LINGO2: variants seen among roughly 807,000 people sequenced by gnomAD.
LINGO2 encodes leucine rich repeat and Ig domain containing 2.
LINGO2 carries 14 observed loss-of-function variants against 30.6 expected under a neutral mutation model. That is an observed-to-expected ratio of 0.46 (90% CI 0.30 to 0.72). LINGO2 has a LOEUF of 0.72. LINGO2 is among the 30% of genes least tolerant of loss of function. The pLI, the probability that LINGO2 is intolerant of heterozygous loss-of-function variation, is 0.07. For synonymous variants in LINGO2, 317 were observed against 288.5 expected (o/e 1.10, Z -1.00); for missense variants, 729 against 751.7 (o/e 0.97, Z 0.35).
chr9:28,464,826 C>G (rs1416158569), intron 2 of LINGO2, among the ~76,000 whole-genome samples: 1 of 152,168 alleles, frequency 6.6e-6, no homozygotes, highest in African/African-American at 2.4e-5. Context: ...CAACACCCCA[C>G]AAGCACAGGC....
chr9:28,612,734 G>C (rs771642221), intron 1 of LINGO2, among the ~76,000 whole-genome samples: 2 of 152,092 alleles, frequency 1.3e-5, no homozygotes, highest in Non-Finnish European at 2.9e-5. Context: ...TGAGACTTTG[G>C]ACTTGGACTT....
chr9:28,227,073 T>A (rs1821194939), intron 4 of LINGO2, among the ~76,000 whole-genome samples: 1 of 152,122 alleles, frequency 6.6e-6, no homozygotes, highest in African/African-American at 2.4e-5. Context: ...AAATAATCGA[T>A]CTAAAGAGCT....
At chr9:28,549,816 C>T (rs1822179204) in intron 1 of LINGO2, among the ~76,000 whole-genome samples, 2 of 151,484 alleles carry the variant, frequency 1.3e-5, no homozygotes, top group South Asian at 4.2e-4. Flanking sequence ...ACATATTCAT[C>T]CATTTTGTTT....
chr9:28,919,843 T>C, the LINGO2 span, among the ~76,000 whole-genome samples: 1 of 152,186 alleles, frequency 6.6e-6, no homozygotes, highest in Non-Finnish European at 1.5e-5. Flanking sequence ...TTAAACATTA[T>C]ATCCTTTTAG....
chr9:28,876,380 C>T, the LINGO2 span, among the ~76,000 whole-genome samples: 1 of 151,692 alleles, frequency 6.6e-6, no homozygotes, highest in Non-Finnish European at 1.5e-5. Context: ...AGGTATATCT[C>T]CTAAGGCTAT....
the LINGO2 span, among the ~76,000 whole-genome samples, chr9:28,937,701 A>G: frequency 6.6e-6 from 1 of 152,276 alleles, no homozygotes; most frequent in Admixed American, 6.5e-5. Flanking sequence ...GGAAGGAGAC[A>G]GCCTTGCACC....
intron 2 of LINGO2, among the ~76,000 whole-genome samples, chr9:28,435,692 C>T (rs776797503): frequency 2.0e-5 from 3 of 152,182 alleles, no homozygotes; most frequent in Non-Finnish European, 4.4e-5. Context: ...GACAATATCC[C>T]TTCCTGGTTT....
At chr9:28,401,337 C>T (rs1314116509) in intron 2 of LINGO2, among the ~76,000 whole-genome samples, 1 of 151,946 alleles carries the variant, frequency 6.6e-6, no homozygotes, top group African/African-American at 2.4e-5. Context: ...CTCCCTGTGT[C>T]CATGTGTTCT....
chr9:28,847,800 A>G, the LINGO2 span, among the ~76,000 whole-genome samples: 1 of 38,338 alleles, frequency 2.6e-5, no homozygotes, highest in African/African-American at 8.3e-5. Context: ...ACATATATGT[A>G]TAGTATATAT....
At chr9:29,017,189 ACT>A in the LINGO2 span, among the ~76,000 whole-genome samples, 1 of 151,944 alleles carries the variant, frequency 6.6e-6, no homozygotes, top group South Asian at 2.1e-4. Flanking sequence ...ATTAAGGAAG[ACT>A]CTGAGTTGCC....
chr9:28,928,207 T>G, the LINGO2 span, among the ~76,000 whole-genome samples: 1 of 152,218 alleles, frequency 6.6e-6, no homozygotes, highest in South Asian at 2.1e-4. Flanking sequence ...CTGAAGCCTT[T>G]TTATATCAAA....
intron 4 of LINGO2, among the ~76,000 whole-genome samples, chr9:28,271,735 G>T (rs930036836): frequency 3.3e-5 from 5 of 152,134 alleles, no homozygotes; most frequent in African/African-American, 7.2e-5. Flanking sequence ...TACCCACTGC[G>T]ATGCCTTAAG....
At chr9:28,757,982 C>A in the LINGO2 span, among the ~76,000 whole-genome samples, 1 of 152,042 alleles carries the variant, frequency 6.6e-6, no homozygotes. Context: ...AGGTGGGGTG[C>A]TTCCTCTAGA....
chr9:28,814,685 A>G, the LINGO2 span, among the ~76,000 whole-genome samples: 11 of 152,186 alleles, frequency 7.2e-5, no homozygotes, highest in Admixed American at 2.0e-4. Flanking sequence ...CAGGAGTTCG[A>G]GACCAGCCTG....
intron 3 of LINGO2, among the ~76,000 whole-genome samples, chr9:28,330,788 CGTTCTCACCTTCCAGGACATGTGGT>C (rs1564127626): frequency 6.6e-6 from 1 of 152,066 alleles, no homozygotes; most frequent in African/African-American, 2.4e-5. Flanking sequence ...ACTCTTCTCC[CGTTCTCACCTTCCAGGACATGTGGT>C]GTTCAAAAGA....
chr9:28,168,057 C>T (rs1241101481), intron 4 of LINGO2, among the ~76,000 whole-genome samples: 1 of 152,168 alleles, frequency 6.6e-6, no homozygotes, highest in African/African-American at 2.4e-5. Flanking sequence ...GCCACAGTGA[C>T]TTGATTCTCT....
intron 4 of LINGO2, among the ~76,000 whole-genome samples, chr9:28,225,360 T>C (rs1183039480): frequency 6.6e-6 from 1 of 152,140 alleles, no homozygotes; most frequent in African/African-American, 2.4e-5. Context: ...TATTTACAAA[T>C]GTCAAGTTTC....
At chr9:28,229,693 T>C (rs1821291935) in intron 4 of LINGO2, among the ~76,000 whole-genome samples, 1 of 151,746 alleles carries the variant, frequency 6.6e-6, no homozygotes, top group African/African-American at 2.4e-5. Context: ...CAGATAGAAA[T>C]ATATAGTTAG....
chr9:28,422,039 G>A (rs973813030), intron 2 of LINGO2, among the ~76,000 whole-genome samples: 1 of 151,958 alleles, frequency 6.6e-6, no homozygotes, highest in Non-Finnish European at 1.5e-5. Flanking sequence ...AAACATAAGA[G>A]CTGAAACTAT....
Sources: gnomAD v4.1 joint callset for allele counts (sites outside exome capture counted in the v4.1 genomes callset) on GRCh38, gnomAD v4.1.1 for gene constraint, MANE v1.5 for transcripts, NCBI Gene and HGNC (gene_info 2026-07-23, HGNC 2026-07-21) for gene names.